Variants in PSMF1 observed in about 807,000 individuals in gnomAD.
The protein encoded by PSMF1 is proteasome inhibitor subunit 1, also known as proteasome inhibitor PI31 subunit.
PSMF1 carries 30 observed loss-of-function variants against 29.3 expected under a neutral mutation model. The observed-to-expected ratio is 1.02, with a 90% CI of 0.77 to 1.39. The LOEUF is 1.39. Among genes scored for constraint, PSMF1 ranks in the 40% most tolerant of loss-of-function variants. PSMF1 has a pLI of 0.00. For missense variants in PSMF1, 344 were observed against 357.5 expected, an observed-to-expected ratio of 0.96 and a Z score of 0.31; for synonymous variants, 134 against 139.7, an observed-to-expected ratio of 0.96 and a Z score of 0.29.
At chr20:1,124,373 A>G (rs979750060) in intron 1 of PSMF1, among the ~76,000 whole-genome samples, 8 of 152,248 alleles carry the variant, frequency 5.3e-5, no homozygotes, top group Non-Finnish European at 8.8e-5. Flanking sequence ...GACAAGCATG[A>G]AAATGGCAAG....
intron 3 of PSMF1, 120 bp downstream of exon 3, chr20:1,127,628 C>T: frequency 1.3e-6 from 1 of 776,286 alleles, no homozygotes; most frequent in Non-Finnish European, 2.2e-6. Context: ...CCTTTTATTT[C>T]TGGGCACAAC....
rs776710824 is a variant in PSMF1 at position 1,163,151 on chromosome 20, T to G, written c.573T>G (p.Phe191Leu). ...QPPWCDPLGPFVVGGEDLDPF... is the reference protein window; with the variant it reads ...QPPWCDPLGPLVVGGEDLDPF... ...TCAGGTGTGATCCCCTGGGCCCGTT[T>G]GTTGTCGGGGGAGAAGACTTAGACC... Residue 191 changes from phenylalanine (F) to leucine (L), a missense_variant, in exon 5 of 7, where the codon TTT becomes TTG. Coordinates refer to ENST00000335877, the MANE Select transcript of PSMF1 (RefSeq NM_006814.5). The surrounding 1 kb of genome is among the most constrained non-coding windows in gnomAD (Gnocchi z 6.1). The G allele has an allele frequency of 3.1e-6, 5 of 1,614,182 alleles. No homozygotes were observed. The highest frequency in any genetic ancestry group is 4.2e-6 in the Non-Finnish European group (5 of 1,180,032).
intron 4 of PSMF1, among the ~76,000 whole-genome samples, chr20:1,160,349 T>C (rs910572408): frequency 5.3e-5 from 8 of 152,292 alleles, no homozygotes; most frequent in African/African-American, 1.9e-4. Flanking sequence ...ATGGCTGCAC[T>C]TGGGGACCTG....
At chr20:1,137,391 C>G (rs1276525577) in intron 4 of PSMF1, among the ~76,000 whole-genome samples, 13 of 152,128 alleles carry the variant, frequency 8.5e-5, no homozygotes, top group Admixed American at 4.6e-4. Context: ...CATCTGAACC[C>G]ATTGGTTAAT....
intron 3 of PSMF1, among the ~76,000 whole-genome samples, chr20:1,128,062 G>A (rs1225579312): frequency 6.6e-6 from 1 of 152,040 alleles, no homozygotes; most frequent in Non-Finnish European, 1.5e-5. Context: ...GCAGTCTGTG[G>A]GTTTTGACAA....
In PSMF1 at chr20:1,163,137, C is replaced by G. The variant is rs746369925; in HGVS notation, c.559C>G (p.Pro187Ala). ...HTSRQPPWCD[P>A]LGPFVVGGED... ...GTCTCTTGTTTGTTTCAGGTGTGAT[C>G]CCCTGGGCCCGTTTGTTGTCGGGGG... Residue 187 changes from proline (P) to alanine (A), a missense_variant, in exon 5 of 7, where the codon CCC (proline) becomes GCC (alanine). By Grantham distance (27) the Pro-to-Ala change is conservative. Transcript: ENST00000335877. The surrounding 1 kb of genome is among the most constrained non-coding windows in gnomAD (Gnocchi z 6.1). The G allele has an allele frequency of 5.6e-6, 9 of 1,614,016 alleles. No homozygotes were observed. Among genetic ancestry groups the G allele is most frequent in the Non-Finnish European group, 7.6e-6 (9 of 1,180,034 alleles).
At position 1,165,030 on chromosome 20, in the gene PSMF1, C is replaced by T. The variant is rs1211629829; in HGVS notation, c.766C>T (p.Pro256Ser). ...CATCAGCCCCTCTTTCCATTCCAGA[C>T]CTAACCCAGACCATCTCCCCCCGCC... ...FGPIGTSPPG[P>S]NPDHLPPPGY... is the part of the protein sequence containing the mutation. The change falls in exon 7 of 7, where the codon CCT becomes TCT. Residue 256 changes from proline to serine, a missense_variant and splice_region_variant. By Grantham distance (74) the Pro-to-Ser change is moderately conservative. Transcript: ENST00000335877. 6.2e-7 allele frequency: 1 copy of T among 1,613,546 alleles called. No individual in the cohort carries two copies. The highest frequency in any genetic ancestry group is 8.5e-7 in the Non-Finnish European group (1 of 1,179,596).
chr20:1,131,264 G>C (rs1190091107), intron 3 of PSMF1, among the ~76,000 whole-genome samples: 1 of 152,224 alleles, frequency 6.6e-6, no homozygotes, highest in Admixed American at 6.5e-5. Flanking sequence ...CATTCCGTCT[G>C]TTCAGCAATA....
At chr20:1,132,969 G>GTTTTTTTTTT (rs60189289) in intron 3 of PSMF1, among the ~76,000 whole-genome samples, 5 of 134,100 alleles carry the variant, frequency 3.7e-5, no homozygotes, top group Non-Finnish European at 6.3e-5. Context: ...GGGTTTTTTT[G>GTTTTTTTTTT]TTTTTTTTTT....
chr20:1,128,704 A>G (rs1336500891), intron 3 of PSMF1, among the ~76,000 whole-genome samples: 1 of 151,950 alleles, frequency 6.6e-6, no homozygotes, highest in Admixed American at 6.6e-5. Flanking sequence ...CCCCATCTTC[A>G]TTGACCTCCT....
intron 4 of PSMF1, among the ~76,000 whole-genome samples, 165 bp from the exon 5 acceptor site, chr20:1,162,965 G>A (rs2086685110): frequency 6.6e-6 from 1 of 152,098 alleles, no homozygotes; most frequent in Non-Finnish European, 1.5e-5. Flanking sequence ...AATTGTCATT[G>A]TAGGATTATC....
Position 1,166,929 on chromosome 20 carries a change from T to TAGGA in PSMF1, c.*1850_*1853dup, listed in dbSNP as rs1267968716. 3 of 152,218 alleles carry TAGGA rather than the reference T, an allele frequency of 2.0e-5. No individual in the cohort carries two copies. The highest frequency in any genetic ancestry group is 7.2e-5 in the African/African-American group (3 of 41,450). The allele number at this position is 152,218 out of a possible 1,614,324, so 9.4% of individuals were successfully genotyped here. On this transcript the variant is annotated 3_prime_UTR_variant, in exon 7 of 7. Coordinates refer to ENST00000335877, the MANE Select transcript of PSMF1 (RefSeq NM_006814.5). ...AGAAGCAGGGAAGGTAGATAACTTT[T>TAGGA]AGGACCTTGATGTGAGGAAAAGATA...
In PSMF1 at chr20:1,168,799, A is replaced by G. The variant is rs2086760385; in HGVS notation, c.*3719A>G. On this transcript the variant is annotated 3_prime_UTR_variant, in exon 7 of 7. Transcript: ENST00000335877. ...TATTAGAATCTATGGAGCAGTTAGTATTCTTTGTCACCTAAATTTGTCTAC... is the reference window on the plus strand; with the variant it reads ...TATTAGAATCTATGGAGCAGTTAGTGTTCTTTGTCACCTAAATTTGTCTAC... 6.6e-6 allele frequency among the ~76,000 whole-genome samples: 1 copy of G among 152,190 alleles called. No homozygotes were observed. Among genetic ancestry groups the G allele is most frequent in the Non-Finnish European group, 1.5e-5 (1 of 68,026 alleles).
upstream of PSMF1, among the ~76,000 whole-genome samples, chr20:1,113,723 C>T (rs914718362): frequency 2.0e-5 from 3 of 151,938 alleles, no homozygotes; most frequent in African/African-American, 4.8e-5. Context: ...GACGGCGTCT[C>T]GCTCTGTCGC....
In PSMF1 at chr20:1,171,422, T is replaced by C. The variant is rs1277022043; in HGVS notation, c.*6342T>C. Among the ~76,000 whole-genome samples the C allele has an allele frequency of 6.6e-6, 1 of 152,124 alleles. No individual in the cohort carries two copies. The highest frequency in any genetic ancestry group is 1.5e-5 in the Non-Finnish European group (1 of 68,022). ...GCTGCTCACCTCGGCCTTCTGAGTT[T>C]AGTAGGATGGCAGCTAGTCTTCCCT... On this transcript the variant is annotated 3_prime_UTR_variant, in exon 7 of 7. Coordinates refer to ENST00000335877, the MANE Select transcript of PSMF1 (RefSeq NM_006814.5).
intron 1 of PSMF1, among the ~76,000 whole-genome samples, chr20:1,124,035 G>A (rs2086123175): frequency 6.6e-6 from 1 of 152,132 alleles, no homozygotes; most frequent in Non-Finnish European, 1.5e-5. Context: ...TCATTTTCCA[G>A]GCATTCCCTT....
At chr20:1,143,596 A>G (rs1485024781) in intron 4 of PSMF1, among the ~76,000 whole-genome samples, 1 of 152,230 alleles carries the variant, frequency 6.6e-6, no homozygotes, top group Non-Finnish European at 1.5e-5. Context: ...ACAGCACTAA[A>G]TGCACAGTGT....
intron 1 of PSMF1, 68 bp downstream of exon 1, chr20:1,118,970 C>G: frequency 6.4e-7 from 1 of 1,573,874 alleles, no homozygotes; most frequent in Non-Finnish European, 8.7e-7. Context: ...GTACCGGAGG[C>G]CTGGTCCAGA....
chr20:1,137,229 A>C (rs1303081599), intron 4 of PSMF1, among the ~76,000 whole-genome samples: 2 of 152,200 alleles, frequency 1.3e-5, no homozygotes, highest in Admixed American at 6.5e-5. Flanking sequence ...GAAAGTAAAA[A>C]TCCTAGCCTT....
Sources: gnomAD v4.1 joint callset for allele counts (sites outside exome capture counted in the v4.1 genomes callset) on GRCh38, gnomAD v4.1.1 for gene constraint, Gnocchi (gnomAD v3.1) non-coding constraint, MANE v1.5 for transcripts, NCBI Gene and HGNC (gene_info 2026-07-23, HGNC 2026-07-21) for gene names.